Variants in PDE7B observed in about 807,000 individuals in gnomAD.
The protein encoded by PDE7B is 3',5'-cyclic-AMP phosphodiesterase 7B.
PDE7B carries 29 observed loss-of-function variants against 56.2 expected under a neutral mutation model. The ratio of observed to expected loss-of-function variants is 0.52; its 90% CI spans 0.38 to 0.70. The LOEUF (loss-of-function observed/expected upper bound fraction) is 0.70, where lower values mean the gene tolerates loss of function less well. Ranked by LOEUF, PDE7B falls within the 30% of genes least tolerant of loss-of-function variation. The pLI, the probability that PDE7B is intolerant of heterozygous loss-of-function variation, is 0.00. For synonymous variants in PDE7B, 197 were observed against 196.9 expected (o/e 1.00, Z 0.00); for missense variants, 490 against 565.0 (o/e 0.87, Z 1.35).
intron 2 of PDE7B, among the ~76,000 whole-genome samples, chr6:135,994,987 A>G (rs1366841721): frequency 6.6e-6 from 1 of 152,186 alleles, no homozygotes; most frequent in Non-Finnish European, 1.5e-5. Context: ...ACTTTCATCA[A>G]TAGTAAGCAC....
At chr6:136,082,675 C>T (rs1777224869) in intron 2 of PDE7B, among the ~76,000 whole-genome samples, 1 of 152,196 alleles carries the variant, frequency 6.6e-6, no homozygotes, top group South Asian at 2.1e-4. Context: ...TGTTTACTTA[C>T]AACATTCAGG....
At chr6:136,138,474 T>C (rs1178285493) in intron 3 of PDE7B, among the ~76,000 whole-genome samples, 3 of 152,096 alleles carry the variant, frequency 2.0e-5, no homozygotes, top group Non-Finnish European at 4.4e-5. Flanking sequence ...GCTCCCTAAA[T>C]AACACTCGAT....
At chr6:136,107,249 A>G (rs946141536) in intron 2 of PDE7B, among the ~76,000 whole-genome samples, 1 of 152,232 alleles carries the variant, frequency 6.6e-6, no homozygotes, top group Non-Finnish European at 1.5e-5. Context: ...TTCAGCTCCC[A>G]GGCTGGGGCC....
At chr6:136,141,534 A>G (rs1218368481) in intron 3 of PDE7B, among the ~76,000 whole-genome samples, 1 of 152,216 alleles carries the variant, frequency 6.6e-6, no homozygotes, top group Non-Finnish European at 1.5e-5. Flanking sequence ...TAGTTTCAGA[A>G]GGAATGGTAC....
At chr6:135,958,963 A>AT (rs1774850692) in intron 2 of PDE7B, among the ~76,000 whole-genome samples, 1 of 152,122 alleles carries the variant, frequency 6.6e-6, no homozygotes, top group Non-Finnish European at 1.5e-5. Flanking sequence ...AATGTGTAGA[A>AT]TTTTTTTGCC....
At chr6:135,869,248 TAATC>T (rs1455270166) in intron 1 of PDE7B, among the ~76,000 whole-genome samples, 7 of 152,172 alleles carry the variant, frequency 4.6e-5, no homozygotes, top group Non-Finnish European at 1.0e-4. Context: ...GACAAACTAT[TAATC>T]AGCCCCAAAT....
intron 2 of PDE7B, among the ~76,000 whole-genome samples, chr6:136,060,164 T>C (rs1776813248): frequency 1.3e-5 from 2 of 152,248 alleles, no homozygotes; most frequent in South Asian, 4.1e-4. Context: ...CCTTCTTCTT[T>C]AGCTAATCAT....
chr6:135,933,016 G>A lies in PDE7B; in HGVS notation c.22-14448G>A, dbSNP rs563537293. 5.9e-5 allele frequency among the ~76,000 whole-genome samples: 9 copies of A among 152,296 alleles called. No homozygotes were observed. The East Asian group carries it at 1.2e-3, about 20-fold the overall frequency. On this transcript the variant is annotated intron_variant, in intron 1 of 12. Transcript: ENST00000308191. ...GCGCTGTGCTGAAAACCTTCTGTGT[G>A]TTATCTCATTTGATCTCTTAGGGGC...
At chr6:136,111,997 TCCCTGCAG>T (rs2128442379) in intron 3 of PDE7B, among the ~76,000 whole-genome samples, 1 of 152,244 alleles carries the variant, frequency 6.6e-6, no homozygotes, top group South Asian at 2.1e-4. Context: ...CAGCTCTGCA[TCCCTGCAG>T]CCTTCCTTCC....
intron 2 of PDE7B, among the ~76,000 whole-genome samples, chr6:136,015,437 A>G (rs1171322605): frequency 2.6e-5 from 4 of 152,230 alleles, no homozygotes; most frequent in Admixed American, 6.5e-5. Context: ...CTTTTTAAAG[A>G]TGGAAATAGA....
chr6:136,055,561 C>T lies in PDE7B; in HGVS notation c.83-53170C>T, dbSNP rs150397384. ...TTCACACACTTTGCCCAACATTCTT[C>T]TCAGTGAAAATCCTTTTAGTATTTC... On this transcript the variant is annotated intron_variant, in intron 2 of 12. Transcript: ENST00000308191. Among the ~76,000 whole-genome samples the T allele has an allele frequency of 1.4e-4, 21 of 152,322 alleles. No individual in the cohort carries two copies. In the East Asian group the frequency reaches 2.9e-3, roughly 21 times the overall value.
intron 2 of PDE7B, among the ~76,000 whole-genome samples, chr6:136,105,010 G>A (rs894329622): frequency 2.0e-5 from 3 of 152,162 alleles, no homozygotes; most frequent in Non-Finnish European, 4.4e-5. Flanking sequence ...ATTGTTACTT[G>A]TCTCTTCTTC....
At chr6:135,857,674 A>G (rs1170076784) in intron 1 of PDE7B, among the ~76,000 whole-genome samples, 1 of 152,212 alleles carries the variant, frequency 6.6e-6, no homozygotes, top group Non-Finnish European at 1.5e-5. Flanking sequence ...TTTGTAACCT[A>G]AACAATATCA....
intron 8 of PDE7B, among the ~76,000 whole-genome samples, chr6:136,171,788 T>G (rs1295553881): frequency 1.2e-5 from 1 of 84,654 alleles, no homozygotes; most frequent in Non-Finnish European, 2.2e-5. Context: ...CCCTCCCCCC[T>G]CCCCCGACCC....
At chr6:136,072,138 G>T (rs1777059084) in intron 2 of PDE7B, among the ~76,000 whole-genome samples, 1 of 152,068 alleles carries the variant, frequency 6.6e-6, no homozygotes, top group Non-Finnish European at 1.5e-5. Flanking sequence ...TATGTAGCAG[G>T]CATCATAATT....
intron 2 of PDE7B, among the ~76,000 whole-genome samples, chr6:136,053,092 G>A (rs1015853618): frequency 6.6e-6 from 1 of 152,066 alleles, no homozygotes; most frequent in African/African-American, 2.4e-5. Flanking sequence ...AAGTTTTAGG[G>A]TACATGTGCA....
At chr6:136,161,722 G>T (rs752383220) in intron 8 of PDE7B, among the ~76,000 whole-genome samples, 16 of 152,124 alleles carry the variant, frequency 1.1e-4, no homozygotes, top group Non-Finnish European at 1.6e-4. Flanking sequence ...ATTCAAATAG[G>T]ACTCTTTTTC....
Position 136,149,104 on chromosome 6 carries a change from G to T in PDE7B, c.336G>T (p.Val112=). 1.2e-6 allele frequency: 2 copies of T among 1,612,688 alleles called. No homozygotes were observed. Among genetic ancestry groups the T allele is most frequent in the Non-Finnish European group, 1.7e-6 (2 of 1,178,750 alleles). The change falls in exon 5 of 13, where the codon GTG becomes GTT. Residue 112 remains valine, a synonymous_variant. Transcript: ENST00000308191. ...LGQARHMLSK[V]GMWDFDIFLF... The stretch of plus-strand genomic sequence containing the variant: ...CTTTTCAGCATATGCTCTCCAAAGT[G>T]GGAATGTGGGATTTTGACATTTTCT...
At chr6:135,894,536 T>A (rs1252388578) in intron 1 of PDE7B, among the ~76,000 whole-genome samples, 1 of 152,084 alleles carries the variant, frequency 6.6e-6, no homozygotes, top group African/African-American at 2.4e-5. Flanking sequence ...GAGCGTTCTG[T>A]TCTAAGACAG....
Sources: gnomAD v4.1 joint callset for allele counts (sites outside exome capture counted in the v4.1 genomes callset) on GRCh38, gnomAD v4.1.1 for gene constraint, MANE v1.5 for transcripts, NCBI Gene and HGNC (gene_info 2026-07-23, HGNC 2026-07-21) for gene names.